SLC39A11: variants seen among roughly 807,000 people sequenced by gnomAD.
The protein encoded by SLC39A11 is zinc transporter ZIP11.
In SLC39A11, 33 loss-of-function variants were observed where a neutral mutation model predicts 36.1. The ratio of observed to expected loss-of-function variants is 0.91; its 90% CI spans 0.69 to 1.22. The LOEUF (loss-of-function observed/expected upper bound fraction) is 1.22. Ranked by LOEUF, SLC39A11 falls within the 50% of genes most tolerant of loss-of-function variation. The pLI is 0.00. For missense variants in SLC39A11, 432 were observed against 430.3 expected (o/e 1.00, Z -0.03); for synonymous variants, 166 against 170.3 (o/e 0.97, Z 0.20).
chr17:72,862,480 C>T (rs529284401), intron 5 of SLC39A11, among the ~76,000 whole-genome samples: 1 of 152,282 alleles, frequency 6.6e-6, no homozygotes, highest in African/African-American at 2.4e-5. Context: ...AGAGCAGAAA[C>T]GTTTGCCAGG....
chr17:72,813,376 C>T (rs1568133340), intron 6 of SLC39A11, among the ~76,000 whole-genome samples: 1 of 152,190 alleles, frequency 6.6e-6, no homozygotes, highest in Non-Finnish European at 1.5e-5. Context: ...CTAATTAAGA[C>T]ACCCATTTTC....
At chr17:72,915,810 T>A (rs2083295843) in intron 5 of SLC39A11, among the ~76,000 whole-genome samples, 2 of 152,250 alleles carry the variant, frequency 1.3e-5, no homozygotes. Context: ...GTGACTGCTA[T>A]GAAGTGAAAT....
intron 3 of SLC39A11, among the ~76,000 whole-genome samples, chr17:73,081,733 G>A (rs201910295): frequency 2.8e-5 from 4 of 142,514 alleles, no homozygotes; most frequent in Admixed American, 1.4e-4. Context: ...ATATATGTAT[G>A]TATATATATA....
chr17:72,675,301 A>G (rs986519612), intron 7 of SLC39A11, among the ~76,000 whole-genome samples: 4 of 152,174 alleles, frequency 2.6e-5, no homozygotes, highest in African/African-American at 9.7e-5. Context: ...TTCTTCCACT[A>G]TGTGAGGCTA....
intron 5 of SLC39A11, among the ~76,000 whole-genome samples, chr17:72,941,561 T>G (rs1425932685): frequency 6.6e-6 from 1 of 151,558 alleles, no homozygotes; most frequent in South Asian, 2.1e-4. Context: ...ACTGTGTTTT[T>G]TTTTTTTTTT....
Position 72,647,102 on chromosome 17 carries a change from C to A in SLC39A11, c.*482G>T, listed in dbSNP as rs1007751678. 2 of 152,928 alleles carry A rather than the reference C, an allele frequency of 1.3e-5. No homozygotes were observed. Among genetic ancestry groups the A allele is most frequent in the Admixed American group, 1.3e-4 (2 of 15,316 alleles). The allele number at this position is 152,928 out of a possible 1,614,324, so 9.5% of individuals were successfully genotyped here. The stretch of plus-strand genomic sequence containing the variant: ...AAGGTAGCTTGCTATCTTTATGATG[C>A]TCCAGTTCCAACATTCTAGATGGGG... On this transcript the variant is annotated 3_prime_UTR_variant, in exon 10 of 10. Transcript: ENST00000255559.
In SLC39A11 at chr17:72,900,050, GAGAA is replaced by G. The variant is rs1270724725; in HGVS notation, c.430+47698_430+47701del. Among the ~76,000 whole-genome samples the G allele has an allele frequency of 5.5e-4, 78 of 142,384 alleles. 2 individuals are homozygous for G. Among genetic ancestry groups the G allele is most frequent in the Middle Eastern group, 3.5e-3 (1 of 284 alleles). 93.4% of individuals were successfully genotyped at this position (142,384 alleles called of 152,430 possible). Reference sequence around the variant, plus strand: ...AGAGAGAGAGAAAGAGAGAGAGAAAGAGAAAGAAAGAAAGAGAGAGAGAGAAAGA... The same window carrying G: ...AGAGAGAGAGAAAGAGAGAGAGAAAGAGAAAGAAAGAGAGAGAGAGAAAGA... On this transcript the variant is annotated intron_variant, in intron 5 of 9. Coordinates refer to ENST00000255559, the MANE Select transcript of SLC39A11 (RefSeq NM_139177.4).
intron 6 of SLC39A11, among the ~76,000 whole-genome samples, chr17:72,776,721 C>G (rs2076148303): frequency 6.7e-6 from 1 of 150,342 alleles, no homozygotes. Context: ...TATATATATA[C>G]CCGTGGTCTG....
At chr17:72,809,882 C>T (rs989495027) in intron 6 of SLC39A11, among the ~76,000 whole-genome samples, 2 of 151,966 alleles carry the variant, frequency 1.3e-5, no homozygotes, top group East Asian at 3.8e-4. Context: ...CCAGCCTGGC[C>T]AACATGAAGA....
At chr17:72,857,378 T>C (rs1291957110) in intron 5 of SLC39A11, among the ~76,000 whole-genome samples, 2 of 152,246 alleles carry the variant, frequency 1.3e-5, no homozygotes, top group South Asian at 4.1e-4. Context: ...TTATCCAACC[T>C]GTCACTGATA....
intron 5 of SLC39A11, among the ~76,000 whole-genome samples, chr17:72,930,625 C>A (rs1016953417): frequency 1.3e-5 from 2 of 152,192 alleles, no homozygotes; most frequent in African/African-American, 2.4e-5. Flanking sequence ...TAACTCTAAT[C>A]AAGCAGGCTG....
chr17:73,081,628 TAC>T (rs60997229), intron 3 of SLC39A11, among the ~76,000 whole-genome samples: 7,378 of 77,710 alleles, frequency 0.095, 352 homozygotes, highest in East Asian at 0.32. Flanking sequence ...TATATATATA[TAC>T]ATACACACAC....
chr17:72,835,465 CTT>C (rs1183385195), intron 6 of SLC39A11, among the ~76,000 whole-genome samples: 4 of 151,962 alleles, frequency 2.6e-5, no homozygotes, highest in South Asian at 4.2e-4. Flanking sequence ...CCACAATACT[CTT>C]TATTTTTTTA....
chr17:72,989,061 A>T (rs940880220), intron 4 of SLC39A11, among the ~76,000 whole-genome samples: 3 of 152,238 alleles, frequency 2.0e-5, no homozygotes, highest in Non-Finnish European at 4.4e-5. Flanking sequence ...TACTAAAAAG[A>T]TGAGGAAGTT....
intron 5 of SLC39A11, among the ~76,000 whole-genome samples, chr17:72,940,109 C>T (rs1317769323): frequency 6.6e-6 from 1 of 152,182 alleles, no homozygotes; most frequent in Non-Finnish European, 1.5e-5. Context: ...AGAACTTCTA[C>T]ACATTCAGAT....
At chr17:72,649,311 G>C (rs746496002) in intron 7 of SLC39A11, 43 bp from the exon 8 acceptor site, 1 of 1,577,348 alleles carries the variant, frequency 6.3e-7, no homozygotes, top group African/African-American at 1.3e-5. Flanking sequence ...GTCTGGAATA[G>C]GTGCTCACAC....
chr17:72,866,051 C>T (rs1424542573), intron 5 of SLC39A11, among the ~76,000 whole-genome samples: 4 of 152,162 alleles, frequency 2.6e-5, no homozygotes, highest in Admixed American at 6.6e-5. Context: ...AACCAGTATC[C>T]GTCCATGGCC....
intron 3 of SLC39A11, among the ~76,000 whole-genome samples, chr17:73,054,332 C>G (rs1335410398): frequency 6.6e-6 from 1 of 151,198 alleles, no homozygotes; most frequent in Non-Finnish European, 1.5e-5. Flanking sequence ...TGCACTCCAG[C>G]CTGGGAGCTG....
chr17:73,077,733 ACT>A (rs1330327073), intron 3 of SLC39A11, among the ~76,000 whole-genome samples: 1 of 152,182 alleles, frequency 6.6e-6, no homozygotes, highest in Non-Finnish European at 1.5e-5. Context: ...CAGAAGTACA[ACT>A]ATCTGAGCTC....
Sources: allele counts gnomAD v4.1 joint callset (sites outside exome capture counted in the v4.1 genomes callset), GRCh38; gene constraint gnomAD v4.1.1; transcripts MANE v1.5; gene names NCBI Gene and HGNC (gene_info 2026-07-23, HGNC 2026-07-21).